Variants in CACNA1B observed in about 807,000 individuals in gnomAD.
CACNA1B encodes the protein voltage-dependent N-type calcium channel subunit alpha-1B.
In CACNA1B, 70 loss-of-function variants were observed where a neutral mutation model predicts 247.2. The observed-to-expected ratio is 0.28, with a 90% CI of 0.23 to 0.35. The LOEUF is 0.35. Among genes scored for constraint, CACNA1B ranks in the 10% least tolerant of loss-of-function variants. The probability of loss-of-function intolerance (pLI) is 1.00; values close to 1 mark genes in which losing one functional copy is unlikely to be tolerated. For missense variants in CACNA1B, 2,367 were observed against 3,197.4 expected, an observed-to-expected ratio of 0.74 and a Z score of 6.26; for synonymous variants, 1,231 against 1,294.4, an observed-to-expected ratio of 0.95 and a Z score of 1.05.
chr9:137,941,074 C>T (rs540477556), intron 6 of CACNA1B, among the ~76,000 whole-genome samples: 2 of 152,154 alleles, frequency 1.3e-5, no homozygotes, highest in African/African-American at 4.8e-5. Flanking sequence ...AGCAATCAGA[C>T]AAGAGAAAGA....
At chr9:137,920,196 G>C (rs1257064752) in intron 6 of CACNA1B, among the ~76,000 whole-genome samples, 6 of 152,056 alleles carry the variant, frequency 3.9e-5, no homozygotes, top group Non-Finnish European at 7.4e-5. Flanking sequence ...ACTGAGACTG[G>C]ACACTTTCTT....
At chr9:138,041,138 T>G (rs1370984029) in intron 20 of CACNA1B, among the ~76,000 whole-genome samples, 3 of 152,184 alleles carry the variant, frequency 2.0e-5, no homozygotes, top group Admixed American at 2.0e-4. Context: ...TTTGCATTTG[T>G]TGTTTCCAGA....
intron 3 of CACNA1B, chr9:137,883,094 G>A (rs1395013704): frequency 5.6e-5 from 33 of 591,196 alleles, no homozygotes; most frequent in African/African-American, 2.2e-4. Context: ...TGTATTTCTC[G>A]CTGACGGATC....
In CACNA1B at chr9:137,894,595, A is replaced by G. The variant is rs111978273; in HGVS notation, c.530+11712A>G. On this transcript the variant is annotated intron_variant, in intron 3 of 46. Transcript: ENST00000371372. ...GGCTCATTTTTTGTATTTTTAGTAGAGACGGGGTTTCACCGTGTGAGCCAG... is the reference window on the plus strand; with the variant it reads ...GGCTCATTTTTTGTATTTTTAGTAGGGACGGGGTTTCACCGTGTGAGCCAG... 5.9e-4 allele frequency among the ~76,000 whole-genome samples: 89 copies of G among 151,920 alleles called. 2 individuals are homozygous for G. Among genetic ancestry groups the G allele is most frequent in the African/African-American group, 2.0e-3 (82 of 41,356 alleles).
chr9:138,063,450 C>T (rs1959804966), intron 31 of CACNA1B, among the ~76,000 whole-genome samples: 1 of 152,216 alleles, frequency 6.6e-6, no homozygotes, highest in Non-Finnish European at 1.5e-5. Flanking sequence ...GCTATGATCG[C>T]ACCACTGCAC....
At chr9:138,013,392 C>T (rs574183714) in intron 18 of CACNA1B, among the ~76,000 whole-genome samples, 157 bp downstream of exon 18, 18 of 152,246 alleles carry the variant, frequency 1.2e-4, no homozygotes, top group Middle Eastern at 6.8e-3. Flanking sequence ...GGGATGAGAG[C>T]CTGGGGGCTC....
intron 39 of CACNA1B, among the ~76,000 whole-genome samples, chr9:138,109,845 C>T (rs948770845): frequency 2.0e-5 from 3 of 152,066 alleles, no homozygotes; most frequent in African/African-American, 7.2e-5. Context: ...CCAAAGCAGG[C>T]GGATTACCTG....
chr9:138,084,644 C>A (rs1960634542), intron 36 of CACNA1B, among the ~76,000 whole-genome samples: 1 of 151,206 alleles, frequency 6.6e-6, no homozygotes, highest in Non-Finnish European at 1.5e-5. Flanking sequence ...TTAAGGGACA[C>A]AAGACACTTG....
chr9:138,026,183 G>T (rs574758832), intron 20 of CACNA1B, among the ~76,000 whole-genome samples: 2 of 152,326 alleles, frequency 1.3e-5, no homozygotes, highest in African/African-American at 4.8e-5. Flanking sequence ...CCTGTGGACT[G>T]GCGCACAATT....
chr9:137,942,347 G>A (rs1298026821), intron 6 of CACNA1B, among the ~76,000 whole-genome samples: 1 of 152,206 alleles, frequency 6.6e-6, no homozygotes, highest in African/African-American at 2.4e-5. Context: ...TGGATGCGGT[G>A]AACAGGGAAC....
At chr9:138,111,288 A>G (rs981106166) in intron 39 of CACNA1B, among the ~76,000 whole-genome samples, 3 of 152,386 alleles carry the variant, frequency 2.0e-5, no homozygotes, top group South Asian at 2.1e-4. Context: ...CAAATGGTGC[A>G]TTCATACAAT....
At chr9:137,948,979 T>G (rs1443338913) in intron 6 of CACNA1B, among the ~76,000 whole-genome samples, 2 of 147,028 alleles carry the variant, frequency 1.4e-5, no homozygotes. Context: ...TGTGTGTCTG[T>G]TGTGTGTCTG....
chr9:138,042,559 T>A (rs1478311328), intron 20 of CACNA1B, among the ~76,000 whole-genome samples: 2 of 152,218 alleles, frequency 1.3e-5, no homozygotes, highest in Non-Finnish European at 2.9e-5. Flanking sequence ...TTAATAGAAT[T>A]TTTTGGGGCT....
At chr9:137,964,612 A>T (rs982352402) in intron 10 of CACNA1B, among the ~76,000 whole-genome samples, 1 of 152,170 alleles carries the variant, frequency 6.6e-6, no homozygotes, top group African/African-American at 2.4e-5. Flanking sequence ...CATGATTGTT[A>T]GCTTCTTTGC....
rs147365299 is a variant in CACNA1B at position 138,111,224 on chromosome 9, A to G, written c.5429-1174A>G. Among the ~76,000 whole-genome samples, 329 of 152,380 alleles carry G rather than the reference A, an allele frequency of 2.2e-3. 2 individuals carry two copies. The highest frequency in any genetic ancestry group is 7.3e-3 in the African/African-American group (302 of 41,594). Reference sequence around the variant, plus strand: ...GTGCAGATGTTTACAGCTTTATTCAAAATTGCCCCAAACTGTAAACAACTC... The same window carrying G: ...GTGCAGATGTTTACAGCTTTATTCAGAATTGCCCCAAACTGTAAACAACTC... On this transcript the variant is annotated intron_variant, in intron 39 of 46. Coordinates refer to ENST00000371372, the MANE Select transcript of CACNA1B (RefSeq NM_000718.4).
intron 6 of CACNA1B, among the ~76,000 whole-genome samples, chr9:137,920,153 T>TG (rs1957461366): frequency 6.6e-6 from 1 of 151,920 alleles, no homozygotes; most frequent in Non-Finnish European, 1.5e-5. Context: ...GGTATTGTCA[T>TG]GGTGAAGCAT....
Position 138,058,332 on chromosome 9 carries a change from C to T in CACNA1B, c.4308+82C>T. 1 of 1,227,354 alleles carries T rather than the reference C, an allele frequency of 8.1e-7. No individual in the cohort carries two copies. Among genetic ancestry groups the T allele is most frequent in the Admixed American group, 1.7e-5 (1 of 58,696 alleles). The allele number at this position is 1,227,354 out of a possible 1,614,324, so 76.0% of individuals were successfully genotyped here. ...TTCCCTCCTGCACACAAATCACTCA[C>T]AGCTGGGTCAGCTTTGGCTGCCACC... On this transcript the variant is annotated intron_variant, in intron 28 of 46. Transcript: ENST00000371372. The surrounding 1 kb of genome is among the most constrained non-coding windows in gnomAD (Gnocchi z 4.7).
chr9:138,038,190 A>C (rs1331210790), intron 20 of CACNA1B, among the ~76,000 whole-genome samples: 2 of 152,208 alleles, frequency 1.3e-5, no homozygotes, highest in South Asian at 4.1e-4. Context: ...AGTTCTTTGC[A>C]ATCACTATTA....
intron 2 of CACNA1B, among the ~76,000 whole-genome samples, chr9:137,879,821 T>C (rs954825536): frequency 6.6e-6 from 1 of 152,166 alleles, no homozygotes; most frequent in African/African-American, 2.4e-5. Context: ...CTGTGGGGTC[T>C]CTGGAGGGGC....
Sources: allele counts gnomAD v4.1 joint callset (sites outside exome capture counted in the v4.1 genomes callset), GRCh38; gene constraint gnomAD v4.1.1; non-coding constraint Gnocchi (gnomAD v3.1); transcripts MANE v1.5; gene names NCBI Gene and HGNC (gene_info 2026-07-23, HGNC 2026-07-21).